Variants in PARP10 observed in about 807,000 individuals in gnomAD.
PARP10 encodes the protein protein mono-ADP-ribosyltransferase PARP10.
Under a neutral mutation model 82.4 loss-of-function variants are expected in PARP10, and 56 were observed. The observed-to-expected ratio is 0.68, with a 90% CI of 0.55 to 0.85. The LOEUF (loss-of-function observed/expected upper bound fraction) is 0.85. PARP10 is among the 40% of genes least tolerant of loss of function. PARP10 has a pLI of 0.00. For missense variants in PARP10, 1,227 were observed against 1,379.4 expected (o/e 0.89, Z 1.75); for synonymous variants, 576 against 601.1 (o/e 0.96, Z 0.61).
intron 9 of PARP10, among the ~76,000 whole-genome samples, chr8:143,979,129 C>T (rs868974325): frequency 1.3e-5 from 2 of 152,224 alleles, no homozygotes; most frequent in South Asian, 2.1e-4. Context: ...CCTGCCACCG[C>T]GCCCGGCTAT....
chr8:143,991,149 G>C, upstream of PARP10: 1 of 1,030,112 alleles, frequency 9.7e-7, no homozygotes. Flanking sequence ...GCTGGGTCCC[G>C]ACGCTGTCGT....
At chr8:143,977,885 C>T (rs1833739815) in intron 10 of PARP10, 22 bp downstream of exon 10, 1 of 1,599,874 alleles carries the variant, frequency 6.3e-7, no homozygotes, top group Admixed American at 1.7e-5. Context: ...GAGCCCCCGC[C>T]CCTGCCCGGC....
At chr8:144,012,676 C>T (rs782499260) in exon 1 of PARP10, 23 of 1,551,694 alleles carry the variant, frequency 1.5e-5, no homozygotes, top group Middle Eastern at 1.7e-4. Context: ...AGCGGGTTCA[C>T]GAGTGGGCTT....
intron 1 of PARP10, chr8:144,012,355 A>G (rs1244630937): frequency 4.1e-5 from 26 of 628,900 alleles, no homozygotes; most frequent in Admixed American, 2.8e-5. Context: ...CAGAGAGGGC[A>G]AGGAAGAGGG....
intron 1 of PARP10, among the ~76,000 whole-genome samples, chr8:144,004,361 T>C (rs1834221497): frequency 1.3e-5 from 2 of 152,290 alleles, no homozygotes; most frequent in Non-Finnish European, 2.9e-5. Context: ...CAGGAGTTAT[T>C]GTTTAATGGG....
chr8:144,000,908 G>T (rs72695418), intron 1 of PARP10, among the ~76,000 whole-genome samples: 52 of 48,036 alleles, frequency 1.1e-3, no homozygotes, highest in African/African-American at 2.4e-3. Flanking sequence ...TTGTGTGTGT[G>T]TTTTTTTTTT....
intron 1 of PARP10, among the ~76,000 whole-genome samples, chr8:143,999,105 A>T (rs1055620751): frequency 6.6e-6 from 1 of 151,468 alleles, no homozygotes; most frequent in Non-Finnish European, 1.5e-5. Flanking sequence ...ACAGCGGCAC[A>T]GTCATGGCTC....
chr8:143,985,220 C>T lies in PARP10; in HGVS notation c.782G>A (p.Gly261Glu), dbSNP rs1564252852. Reference protein sequence around the residue: ...EPEELAENTSGGDHPSTQGPR... With the variant: ...EPEELAENTSEGDHPSTQGPR... Reference sequence around the variant, plus strand: ...CCCCTGGGTGGACGGGTGGTCCCCTCCACTGGTGTTCTCAGCCAGCTCCTC... The same window carrying T: ...CCCCTGGGTGGACGGGTGGTCCCCTTCACTGGTGTTCTCAGCCAGCTCCTC... Residue 261 changes from glycine (G) to glutamate (E), a missense_variant, in exon 5 of 11, where the codon GGA becomes GAA. Coordinates refer to ENST00000313028, the MANE Select transcript of PARP10 (RefSeq NM_032789.5). The T allele has an allele frequency of 1.9e-6, 3 of 1,614,120 alleles. No individual in the cohort carries two copies. The highest frequency in any genetic ancestry group is 4.5e-5 in the East Asian group (2 of 44,880).
intron 9 of PARP10, 52 bp from the exon 10 acceptor site, chr8:143,978,133 C>T (rs1554746892): frequency 1.4e-6 from 2 of 1,443,880 alleles, no homozygotes; most frequent in South Asian, 2.8e-5. Flanking sequence ...GCCCTGGGGC[C>T]GACGCAGGGC....
upstream of PARP10, chr8:143,992,286 C>T (rs201654173): frequency 3.5e-5 from 55 of 1,593,542 alleles, no homozygotes; most frequent in Middle Eastern, 1.7e-4. Flanking sequence ...TGGGGATGAT[C>T]GCCAGCTTCT....
upstream of PARP10, among the ~76,000 whole-genome samples, chr8:143,994,150 G>A (rs577464001): frequency 1.4e-4 from 22 of 152,310 alleles, no homozygotes; most frequent in East Asian, 3.7e-3. Flanking sequence ...TGCATGCAGC[G>A]TGGCCTGAGG....
Position 143,984,613 on chromosome 8 carries a change from C to G in PARP10, c.1389G>C (p.Glu463Asp), listed in dbSNP as rs1342619293. The G allele has an allele frequency of 6.2e-7, 1 of 1,613,918 alleles. No individual in the cohort carries two copies. Among genetic ancestry groups the G allele is most frequent in the African/African-American group, 1.3e-5 (1 of 74,882 alleles). ...CGTCTCCCAGGCCCGCAAGAAGGTC[C>G]TCATGGTAGAGCTGCAGGAAGCGCA... The part of the protein sequence containing the change: ...GAMRFLQLYH[E>D]DLLAGLGDVA... The change falls in exon 5 of 11, where the codon GAG (glutamate) becomes GAC (aspartate). Residue 463 changes from glutamate (E) to aspartate (D), a missense_variant. Physicochemically the swap from Glu to Asp is conservative, Grantham distance 45. Coordinates refer to ENST00000313028, the MANE Select transcript of PARP10 (RefSeq NM_032789.5).
chr8:144,002,339 AG>A (rs1554751749), intron 1 of PARP10, among the ~76,000 whole-genome samples: 1 of 152,160 alleles, frequency 6.6e-6, no homozygotes, highest in African/African-American at 2.4e-5. Flanking sequence ...GCTTCAGCCC[AG>A]GAGTTTGAGA....
At chr8:143,980,318 TCAAAA>T (rs1203228131) in intron 9 of PARP10, among the ~76,000 whole-genome samples, 4 of 15,666 alleles carry the variant, frequency 2.6e-4, no homozygotes, top group African/African-American at 4.2e-4. Flanking sequence ...AGATTCCGTC[TCAAAA>T]AAAAAAAAAA....
At position 143,996,716 on chromosome 8, in the gene PARP10, C is replaced by T. The variant is rs932593305; in HGVS notation, c.-79-10278G>A. On this transcript the variant is annotated intron_variant, in intron 1 of 3. Transcript: ENST00000530478. ...CATAATCTGCTGGACCTTGGCTCAA[C>T]GTCAGCATCTGAGGAGTGCAGAGAG... Among the ~76,000 whole-genome samples, 5 of 152,188 alleles carry T rather than the reference C, an allele frequency of 3.3e-5. No homozygotes were observed. In the South Asian group the frequency reaches 8.3e-4, roughly 25 times the overall value.
Position 143,983,748 on chromosome 8 carries a change from G to T in PARP10, c.1841C>A (p.Pro614His), listed in dbSNP as rs200577841. The T allele has an allele frequency of 6.9e-4, 1,117 of 1,612,500 alleles. 11 individuals are homozygous for T. The Admixed American group carries it at 0.01, about 15-fold the overall frequency. ...AGGCCCTTCCTCCTCCAGCTCCCGA[G>T]GCAGCCAGTCCTCCCCGTCTAGGTC... ...GLDLDGEDWLPRELEEEGPQE... is the reference protein window; with the variant it reads ...GLDLDGEDWLHRELEEEGPQE... Residue 614 changes from proline to histidine, a missense_variant, in exon 8 of 11, where the codon CCT (proline) becomes CAT (histidine). Transcript: ENST00000313028.
chr8:143,990,408 GA>G (rs1834071301), upstream of PARP10: 2 of 151,598 alleles, frequency 1.3e-5, no homozygotes, highest in African/African-American at 4.8e-5. This position sits in a 1 kb window ranked among gnomAD's most constrained non-coding sequence, Gnocchi z 5.6. Flanking sequence ...GAGCCGGAGG[GA>G]GGGGGCGGCG....
At chr8:143,992,982 C>CT (rs1834126683), upstream of PARP10, 1 of 687,782 alleles carries the variant, frequency 1.5e-6, no homozygotes, top group Non-Finnish European at 2.4e-6. Context: ...TCCAACCCTC[C>CT]TGTATGTACA....
Position 143,983,315 on chromosome 8 carries a change from A to T in PARP10, c.2274T>A (p.His758Gln). 6.2e-7 allele frequency: 1 copy of T among 1,612,282 alleles called. No individual in the cohort carries two copies. The highest frequency in any genetic ancestry group is 8.5e-7 in the Non-Finnish European group (1 of 1,179,694). Residue 758 changes from histidine (H) to glutamine (Q), a missense_variant, in exon 8 of 11, where the codon CAT (histidine) becomes CAA (glutamine). His to Gln is a conservative substitution (Grantham distance 24, BLOSUM62 0). Transcript: ENST00000313028. The part of the protein sequence containing the change: ...AELRARLERC[H>Q]GVSVALRGDC... ...CACCACGCAGGGCAACACTCACACC[A>T]TGGCACCGCTCCAGGCGAGCACGCA...
Sources: allele counts gnomAD v4.1 joint callset (sites outside exome capture counted in the v4.1 genomes callset), GRCh38; gene constraint gnomAD v4.1.1; non-coding constraint Gnocchi (gnomAD v3.1); transcripts MANE v1.5; gene names NCBI Gene and HGNC (gene_info 2026-07-23, HGNC 2026-07-21).